The following RBL1 variants were observed in gnomAD, a reference collection of about 807,000 sequenced individuals.
The protein encoded by RBL1 is retinoblastoma-like protein 1.
Under a neutral mutation model 123.0 loss-of-function variants are expected in RBL1, and 82 were observed. The observed-to-expected ratio is 0.67, with a 90% CI of 0.56 to 0.80. The LOEUF is 0.80. Among genes scored for constraint, RBL1 ranks in the 30% least tolerant of loss-of-function variants. The pLI is 0.00. For missense variants in RBL1, 1,171 were observed against 1,299.6 expected, an observed-to-expected ratio of 0.90 and a Z score of 1.52; for synonymous variants, 405 against 441.3, an observed-to-expected ratio of 0.92 and a Z score of 1.03.
chr20:37,040,453 A>C (rs949754648), intron 13 of RBL1, among the ~76,000 whole-genome samples, 168 bp from the exon 14 acceptor site: 1 of 152,096 alleles, frequency 6.6e-6, no homozygotes, highest in Non-Finnish European at 1.5e-5. Context: ...CCGGGGTTCA[A>C]GTAATTCTCC....
At chr20:37,085,697 A>G (rs1198053393) in intron 2 of RBL1, among the ~76,000 whole-genome samples, 4 of 121,110 alleles carry the variant, frequency 3.3e-5, no homozygotes, top group Non-Finnish European at 6.3e-5. Flanking sequence ...TGTGTCACCT[A>G]GGCTGGAGTG....
chr20:37,001,122 CG>C (rs1555845406), intron 21 of RBL1, among the ~76,000 whole-genome samples: 2 of 133,974 alleles, frequency 1.5e-5, no homozygotes, highest in Admixed American at 7.3e-5. Context: ...CGGAGGGAGG[CG>C]GGGGGGTCAG....
At chr20:37,058,520 A>G (rs1350582064) in intron 9 of RBL1, among the ~76,000 whole-genome samples, 39 of 146,248 alleles carry the variant, frequency 2.7e-4, no homozygotes, top group African/African-American at 9.0e-4. Context: ...CCTCAAAAGA[A>G]AAAAAAAAAA....
chr20:36,998,545 G>T lies in RBL1; in HGVS notation c.*214C>A. The T allele has an allele frequency of 4.1e-6, 2 of 492,796 alleles. No homozygotes were observed. Among genetic ancestry groups the T allele is most frequent in the Non-Finnish European group, 7.1e-6 (2 of 283,392 alleles). The allele number at this position is 492,796 out of a possible 1,614,324, so 30.5% of individuals were successfully genotyped here. ...GGCCGGACTATTAGTATTTTTAAAA[G>T]GCACTTAAAATATTCCTTTCCAATC... On this transcript the variant is annotated 3_prime_UTR_variant, in exon 22 of 22. Transcript: ENST00000373664.
intron 19 of RBL1, among the ~76,000 whole-genome samples, chr20:37,015,080 A>AAAG (rs1555849408): frequency 2.0e-4 from 30 of 150,706 alleles, no homozygotes; most frequent in African/African-American, 6.9e-4. Context: ...AAAAAAAAAA[A>AAAG]AAAGAAAGAA....
chr20:37,009,970 A>AGCTATG (rs2064126421), intron 19 of RBL1, among the ~76,000 whole-genome samples: 1 of 152,018 alleles, frequency 6.6e-6, no homozygotes, highest in Admixed American at 6.6e-5. Flanking sequence ...GGTTGCAGTG[A>AGCTATG]GCTATGATTG....
In RBL1 at chr20:37,058,129, AC is replaced by A. The variant is rs1168158206; in HGVS notation, c.1251-1872del. ...GAAACTCTGTCTAAAAAAAAAAAAAACAAAACAAAACAAAAAAAAAAAAGCC... is the reference window on the plus strand; with the variant it reads ...GAAACTCTGTCTAAAAAAAAAAAAAAAAAACAAAACAAAAAAAAAAAAGCC... On this transcript the variant is annotated intron_variant, in intron 9 of 21. Transcript: ENST00000373664. Among the ~76,000 whole-genome samples, 994 of 142,032 alleles carry A rather than the reference AC, an allele frequency of 7.0e-3. 43 individuals are homozygous for A. Among genetic ancestry groups the A allele is most frequent in the African/African-American group, 0.021 (757 of 36,438 alleles). The allele number at this position is 142,032 out of a possible 152,430, so 93.2% of individuals were successfully genotyped here.
chr20:37,043,484 C>T (rs549949597), intron 13 of RBL1, among the ~76,000 whole-genome samples: 1 of 150,444 alleles, frequency 6.6e-6, no homozygotes, highest in African/African-American at 2.4e-5. Flanking sequence ...GAGCAAGACT[C>T]CATCTCAAAA....
chr20:37,046,659 G>A (rs1427936342), intron 12 of RBL1, among the ~76,000 whole-genome samples: 1 of 150,810 alleles, frequency 6.6e-6, no homozygotes, highest in Non-Finnish European at 1.5e-5. Flanking sequence ...CTAGGCTGGA[G>A]TGTAATTGTA....
rs755555154 is a variant in RBL1, at chr20:37,032,858, C to T, written c.2189G>A (p.Gly730Glu). ...IPLHGVANDA[G>E]EITLIPLSMN... Reference sequence around the variant, plus strand: ...GGAAAGAGGTATCAGTGTGATCTCTCCAGCATCATTTGCGACACCTGAATG... The same window carrying T: ...GGAAAGAGGTATCAGTGTGATCTCTTCAGCATCATTTGCGACACCTGAATG... The change falls in exon 16 of 22, where the codon GGA (glycine) becomes GAA (glutamate). Residue 730 changes from glycine to glutamate, a missense_variant. Physicochemically the swap from Gly to Glu is moderately conservative, Grantham distance 98. Transcript: ENST00000373664. 2.5e-6 allele frequency: 4 copies of T among 1,613,796 alleles called. No individual in the cohort carries two copies. Among genetic ancestry groups the T allele is most frequent in the Middle Eastern group, 1.7e-4 (1 of 6,058 alleles).
intron 2 of RBL1, among the ~76,000 whole-genome samples, chr20:37,084,193 C>A (rs2065503807): frequency 6.6e-6 from 1 of 151,766 alleles, no homozygotes; most frequent in Non-Finnish European, 1.5e-5. Context: ...TGCCACTGGG[C>A]CTGACCAAAA....
intron 2 of RBL1, among the ~76,000 whole-genome samples, chr20:37,079,139 G>A (rs561713505): frequency 6.8e-6 from 1 of 147,670 alleles, no homozygotes; most frequent in South Asian, 2.1e-4. Flanking sequence ...GGTAGAGACT[G>A]CAGTGAGCTG....
At chr20:36,998,958 T>TAA (rs1288877919) in intron 21 of RBL1, 29 bp from the exon 22 acceptor site, 1 of 1,587,534 alleles carries the variant, frequency 6.3e-7, no homozygotes, top group Non-Finnish European at 8.6e-7. Context: ...CGTGTGTGAG[T>TAA]AAAAGAGGGA....
Position 37,066,598 on chromosome 20 carries a change from G to A in RBL1, c.846+126C>T. 4.9e-6 allele frequency: 4 copies of A among 813,370 alleles called. 1 individual carries two copies. In the South Asian group the frequency reaches 7.8e-5, roughly 16 times the overall value. 50.4% of individuals were successfully genotyped at this position (813,370 alleles called of 1,614,324 possible). A position where few individuals can be genotyped will look rare whatever the true frequency, so the allele number is the denominator to read the frequency against. On this transcript the variant is annotated intron_variant, in intron 6 of 21. Transcript: ENST00000373664. ...CATAAGGAAATTCTGAATCACAGTA[G>A]AGGCTAAAGCCTGGGAATCCTGACC...
chr20:37,001,294 C>CA, intron 21 of RBL1, among the ~76,000 whole-genome samples: 1 of 151,984 alleles, frequency 6.6e-6, no homozygotes, highest in African/African-American at 2.4e-5. Flanking sequence ...GCCATGATGA[C>CA]AATGGCGGTT....
intron 16 of RBL1, among the ~76,000 whole-genome samples, chr20:37,031,152 G>A (rs2064505267): frequency 6.6e-6 from 1 of 152,132 alleles, no homozygotes; most frequent in African/African-American, 2.4e-5. Flanking sequence ...GATTTCTTGT[G>A]TATGACACCA....
At chr20:37,093,124 G>A (rs1036051316) in intron 1 of RBL1, among the ~76,000 whole-genome samples, 1 of 152,040 alleles carries the variant, frequency 6.6e-6, no homozygotes, top group South Asian at 2.1e-4. Context: ...TTTAGGGAAG[G>A]CCTCACAAAA....
At chr20:37,011,788 G>A (rs2064152232) in intron 19 of RBL1, among the ~76,000 whole-genome samples, 1 of 152,120 alleles carries the variant, frequency 6.6e-6, no homozygotes, top group Non-Finnish European at 1.5e-5. Context: ...TGTGACTAAT[G>A]CTAAAAATGA....
In RBL1 at chr20:37,066,815, A is replaced by G; in HGVS notation, c.755T>C (p.Leu252Pro). 6.2e-7 allele frequency: 1 copy of G among 1,612,854 alleles called. No homozygotes were observed. Among genetic ancestry groups the G allele is most frequent in the Non-Finnish European group, 8.5e-7 (1 of 1,178,868 alleles). ...GAGAAGTCCATCATGCAGTTCACAC[A>G]GTACAGCAATGATGCAGGGTGGCTC... The part of the protein sequence containing the change: ...SEEPPCIIAV[L>P]CELHDGLLVE... Residue 252 changes from leucine to proline, a missense_variant, in exon 6 of 22, where the codon CTG (leucine) becomes CCG (proline). Leu to Pro is a moderately conservative substitution (Grantham distance 98). Transcript: ENST00000373664.
Sources: gnomAD v4.1 joint callset for allele counts (sites outside exome capture counted in the v4.1 genomes callset) on GRCh38, gnomAD v4.1.1 for gene constraint, MANE v1.5 for transcripts, NCBI Gene and HGNC (gene_info 2026-07-23, HGNC 2026-07-21) for gene names.